The following CCSER1 variants were observed in gnomAD, a reference collection of about 807,000 sequenced individuals.
CCSER1 encodes serine-rich coiled-coil domain-containing protein 1.
CCSER1 carries 41 observed loss-of-function variants against 82.0 expected under a neutral mutation model. That is an observed-to-expected ratio of 0.50 (90% CI 0.39 to 0.65). The LOEUF is 0.65. CCSER1 is among the 30% of genes least tolerant of loss of function. CCSER1 has a pLI of 0.00. For synonymous variants in CCSER1, 414 were observed against 383.9 expected (o/e 1.08, Z -0.92); for missense variants, 1,119 against 1,064.2 (o/e 1.05, Z -0.72).
chr4:90,236,750 T>C (rs976738757), intron 1 of CCSER1, among the ~76,000 whole-genome samples: 5 of 152,104 alleles, frequency 3.3e-5, no homozygotes, highest in East Asian at 3.8e-4. Flanking sequence ...AATGTTATTG[T>C]TTTTAGGAAT....
chr4:90,720,191 A>G (rs1227829219), intron 6 of CCSER1, among the ~76,000 whole-genome samples: 2 of 151,990 alleles, frequency 1.3e-5, no homozygotes, highest in African/African-American at 4.8e-5. Flanking sequence ...ATGGTACCAC[A>G]GGATGCTCCA....
intron 10 of CCSER1, among the ~76,000 whole-genome samples, chr4:91,124,514 C>T (rs1727339653): frequency 6.6e-6 from 1 of 151,822 alleles, no homozygotes; most frequent in South Asian, 2.1e-4. Flanking sequence ...GCTTCCCCAT[C>T]TCCCTCATCC....
Position 90,401,225 on chromosome 4 carries a change from G to A in CCSER1, c.1603+1096G>A, listed in dbSNP as rs371916655. Among the ~76,000 whole-genome samples, 16 of 152,194 alleles carry A rather than the reference G, an allele frequency of 1.1e-4. 1 individual carries two copies. The East Asian group carries it at 2.9e-3, about 28-fold the overall frequency. ...AAAAATTTCTTGGGACATTTTTCCTGTAGTTGATTTGACAGATATCCTTCT... is the reference window on the plus strand; with the variant it reads ...AAAAATTTCTTGGGACATTTTTCCTATAGTTGATTTGACAGATATCCTTCT... On this transcript the variant is annotated intron_variant, in intron 4 of 10. Transcript: ENST00000509176.
chr4:90,256,735 C>G (rs1299897868), intron 1 of CCSER1, among the ~76,000 whole-genome samples: 1 of 152,090 alleles, frequency 6.6e-6, no homozygotes, highest in African/African-American at 2.4e-5. Context: ...GGTCACTGAT[C>G]ATTTTATTTA....
chr4:90,560,975 A>T (rs1188019035), intron 5 of CCSER1, among the ~76,000 whole-genome samples: 1 of 152,226 alleles, frequency 6.6e-6, no homozygotes, highest in Non-Finnish European at 1.5e-5. Flanking sequence ...GTCAGTTTTC[A>T]ATATCATTTA....
chr4:91,376,291 G>T (rs1750407876), intron 10 of CCSER1, among the ~76,000 whole-genome samples: 1 of 152,154 alleles, frequency 6.6e-6, no homozygotes, highest in African/African-American at 2.4e-5. Context: ...AGCCTAGATG[G>T]AATAGCCTAC....
In CCSER1 at chr4:91,575,848, T is replaced by C. The variant is rs2110297231; in HGVS notation, c.2218-22724T>C. On this transcript the variant is annotated intron_variant, in intron 10 of 10. Coordinates refer to ENST00000509176, the MANE Select transcript of CCSER1 (RefSeq NM_001145065.2). ...TGACTATTATAAAAAAGACAAAATATAAAAAGGGTTGGAAGGGGTGTAGAG... is the reference window on the plus strand; with the variant it reads ...TGACTATTATAAAAAAGACAAAATACAAAAAGGGTTGGAAGGGGTGTAGAG... Among the ~76,000 whole-genome samples, 2 of 151,750 alleles carry C rather than the reference T, an allele frequency of 1.3e-5. 1 individual carries two copies. Among genetic ancestry groups the C allele is most frequent in the South Asian group, 4.1e-4 (2 of 4,824 alleles).
intron 1 of CCSER1, among the ~76,000 whole-genome samples, chr4:90,233,471 T>G (rs921525560): frequency 9.9e-5 from 15 of 151,526 alleles, no homozygotes; most frequent in Middle Eastern, 6.8e-3. Context: ...TGGGGACTGT[T>G]GTGGGGTGGG....
chr4:90,689,437 A>G (rs1219258692), intron 6 of CCSER1, among the ~76,000 whole-genome samples: 1 of 152,186 alleles, frequency 6.6e-6, no homozygotes. Context: ...GGTTAAAAAT[A>G]GAATATTTAT....
At chr4:90,196,096 CTT>C (rs5860192) in intron 1 of CCSER1, among the ~76,000 whole-genome samples, 54 of 124,232 alleles carry the variant, frequency 4.3e-4, no homozygotes, top group Non-Finnish European at 5.0e-4. Context: ...ACTTTCCTAG[CTT>C]TTTTTTTTTT....
At chr4:90,467,648 A>T (rs961247748) in intron 4 of CCSER1, among the ~76,000 whole-genome samples, 5 of 151,878 alleles carry the variant, frequency 3.3e-5, no homozygotes, top group Non-Finnish European at 5.9e-5. Flanking sequence ...GTGCCACTGC[A>T]CTCCACTCTG....
Position 90,907,273 on chromosome 4 carries a change from T to G in CCSER1, c.2095-16097T>G, listed in dbSNP as rs1160310829. 3.3e-5 allele frequency among the ~76,000 whole-genome samples: 5 copies of G among 152,150 alleles called. No individual in the cohort carries two copies. In the East Asian group the frequency reaches 9.7e-4, roughly 29 times the overall value. On this transcript the variant is annotated intron_variant, in intron 8 of 10. Coordinates refer to ENST00000509176, the MANE Select transcript of CCSER1 (RefSeq NM_001145065.2). The stretch of plus-strand genomic sequence containing the variant: ...TATAGATGAATAAAAGTGAGAGAGA[T>G]GTAGAGCAGAAATTCCCTAATGCAA...
chr4:90,225,875 G>T (rs1424388345), intron 1 of CCSER1, among the ~76,000 whole-genome samples: 2 of 152,136 alleles, frequency 1.3e-5, no homozygotes, highest in African/African-American at 4.8e-5. Flanking sequence ...CAAGAAGTGG[G>T]ATCTATTTTT....
At chr4:90,138,233 G>C (rs974416153) in intron 1 of CCSER1, among the ~76,000 whole-genome samples, 1 of 152,028 alleles carries the variant, frequency 6.6e-6, no homozygotes, top group Admixed American at 6.6e-5. Context: ...GCTCTGTCAC[G>C]TAGGCCAGAG....
intron 6 of CCSER1, among the ~76,000 whole-genome samples, chr4:90,659,228 A>G (rs778657785): frequency 2.6e-5 from 4 of 152,028 alleles, no homozygotes; most frequent in Non-Finnish European, 4.4e-5. Flanking sequence ...TGATTCTGCT[A>G]CCCTCTGAAG....
chr4:90,808,207 G>A (rs1194026119), intron 7 of CCSER1, among the ~76,000 whole-genome samples: 2 of 152,036 alleles, frequency 1.3e-5, no homozygotes, highest in Non-Finnish European at 2.9e-5. Flanking sequence ...GAATGAAACT[G>A]GATCCCTATT....
chr4:91,431,828 A>T, intron 10 of CCSER1, among the ~76,000 whole-genome samples: 1 of 152,188 alleles, frequency 6.6e-6, no homozygotes, highest in Middle Eastern at 3.4e-3. Flanking sequence ...TGTTATTTTA[A>T]TTAAGGATAT....
intron 10 of CCSER1, among the ~76,000 whole-genome samples, chr4:91,321,763 A>G (rs966907135): frequency 3.9e-5 from 6 of 152,024 alleles, no homozygotes; most frequent in African/African-American, 1.4e-4. Flanking sequence ...ATGCCTTCCC[A>G]TCCTCCCAGT....
At chr4:91,591,496 A>G (rs1764270028) in intron 10 of CCSER1, among the ~76,000 whole-genome samples, 1 of 152,106 alleles carries the variant, frequency 6.6e-6, no homozygotes, top group Non-Finnish European at 1.5e-5. Flanking sequence ...TTCTGAAATA[A>G]TAAAGTGATC....
Sources: allele counts gnomAD v4.1 joint callset (sites outside exome capture counted in the v4.1 genomes callset), GRCh38; gene constraint gnomAD v4.1.1; transcripts MANE v1.5; gene names NCBI Gene and HGNC (gene_info 2026-07-23, HGNC 2026-07-21).